Variants in RNF144A observed in about 807,000 individuals in gnomAD.
RNF144A encodes ring finger protein 144A.
Under a neutral mutation model 38.7 loss-of-function variants are expected in RNF144A, and 11 were observed. That is an observed-to-expected ratio of 0.28 (90% CI 0.18 to 0.47). The LOEUF (loss-of-function observed/expected upper bound fraction) is 0.47. RNF144A is among the 20% of genes least tolerant of loss of function. The probability of loss-of-function intolerance (pLI) is 0.99; values close to 1 mark genes in which losing one functional copy is unlikely to be tolerated. For synonymous variants in RNF144A, 149 were observed against 143.9 expected, an observed-to-expected ratio of 1.04 and a Z score of -0.25; for missense variants, 316 against 377.2, an observed-to-expected ratio of 0.84 and a Z score of 1.34.
At chr2:6,931,677 C>T (rs1250275003) in intron 1 of RNF144A, among the ~76,000 whole-genome samples, 1 of 152,198 alleles carries the variant, frequency 6.6e-6, no homozygotes, top group Admixed American at 6.5e-5. Context: ...GGTGAAAATG[C>T]CAGTGGCTCT....
At chr2:7,060,059 G>A (rs1324436617) in intron 6 of RNF144A, among the ~76,000 whole-genome samples, 6 of 152,054 alleles carry the variant, frequency 3.9e-5, no homozygotes, top group South Asian at 2.1e-4. Flanking sequence ...GTCTTGAAAC[G>A]TTATCCATGT....
chr2:7,075,297 G>C, the RNF144A span, among the ~76,000 whole-genome samples: 1 of 148,536 alleles, frequency 6.7e-6, no homozygotes, highest in African/African-American at 2.5e-5. Flanking sequence ...CCCCCACACA[G>C]TGTTCTCTTC....
At chr2:6,929,816 A>G (rs1665092481) in intron 1 of RNF144A, among the ~76,000 whole-genome samples, 1 of 152,274 alleles carries the variant, frequency 6.6e-6, no homozygotes, top group Non-Finnish European at 1.5e-5. Flanking sequence ...CTTTGGAGAT[A>G]GGATAAAGTT....
At chr2:6,965,262 A>C (rs374699734) in intron 2 of RNF144A, among the ~76,000 whole-genome samples, 15 of 152,158 alleles carry the variant, frequency 9.9e-5, no homozygotes, top group African/African-American at 3.1e-4. Flanking sequence ...AAATAGGGAA[A>C]TAGGACACGA....
At chr2:7,044,919 T>G (rs998969710), downstream of RNF144A, among the ~76,000 whole-genome samples, 2 of 152,222 alleles carry the variant, frequency 1.3e-5, no homozygotes, top group African/African-American at 4.8e-5. Context: ...AAGGAGCTCT[T>G]AGTCTCAAGG....
intron 2 of RNF144A, among the ~76,000 whole-genome samples, chr2:6,961,542 T>A (rs543029808): frequency 6.6e-6 from 1 of 152,330 alleles, no homozygotes; most frequent in African/African-American, 2.4e-5. Context: ...TTTGGAGAGA[T>A]GAGACATGCA....
At chr2:7,027,124 T>C (rs1009331474) in intron 7 of RNF144A, among the ~76,000 whole-genome samples, 1 of 152,200 alleles carries the variant, frequency 6.6e-6, no homozygotes, top group Non-Finnish European at 1.5e-5. Context: ...CCAAGCGTGC[T>C]TTCTGGCACA....
At chr2:7,014,319 G>A in intron 3 of RNF144A, 135 bp from the exon 4 acceptor site, 2 of 679,138 alleles carry the variant, frequency 2.9e-6, no homozygotes, top group Non-Finnish European at 5.2e-6. Context: ...AAATGTGTTG[G>A]TTGCTGTGGA....
Position 7,049,918 on chromosome 2 carries a change from C to T in RNF144A, c.735-18298C>T, listed in dbSNP as rs115620053. 4.2e-3 allele frequency among the ~76,000 whole-genome samples: 640 copies of T among 152,296 alleles called. 10 individuals are homozygous for T. Among genetic ancestry groups the T allele is most frequent in the African/African-American group, 0.014 (598 of 41,558 alleles). On this transcript the variant is annotated intron_variant, in intron 6 of 6. Coordinates refer to the RNF144A transcript ENST00000432850. ...AGGAGGGAAAGCAGTCCAAATGCAA[C>T]GGCTTTTGGAAACGCCAGGGGCAGG... is the stretch of plus-strand genomic sequence containing the variant.
chr2:6,971,635 G>A (rs763821748), intron 2 of RNF144A, among the ~76,000 whole-genome samples: 6 of 152,200 alleles, frequency 3.9e-5, no homozygotes, highest in Non-Finnish European at 8.8e-5. Flanking sequence ...GCTCTGGCAC[G>A]TGTATGGGGA....
intron 2 of RNF144A, among the ~76,000 whole-genome samples, chr2:6,988,872 GC>G (rs1437758295): frequency 6.6e-6 from 1 of 151,992 alleles, no homozygotes; most frequent in Non-Finnish European, 1.5e-5. Flanking sequence ...GTGATTATGG[GC>G]TCATGGGTAT....
chr2:7,038,407 G>C lies in RNF144A; in HGVS notation c.748-1222G>C, dbSNP rs964580056. On this transcript the variant is annotated intron_variant, in intron 8 of 8. Coordinates refer to ENST00000320892, the MANE Select transcript of RNF144A (RefSeq NM_014746.6). Reference sequence around the variant, plus strand: ...GATGGCAGTTTCTGTAGAATGTCTTGTTATCAGTTGATTAGATCTTGGTCT... The same window carrying C: ...GATGGCAGTTTCTGTAGAATGTCTTCTTATCAGTTGATTAGATCTTGGTCT... 7.2e-5 allele frequency among the ~76,000 whole-genome samples: 11 copies of C among 152,206 alleles called. 2 individuals are homozygous for C. Among genetic ancestry groups the C allele is most frequent in the Admixed American group, 7.2e-4 (11 of 15,284 alleles).
downstream of RNF144A, among the ~76,000 whole-genome samples, chr2:7,068,450 C>A (rs1213439490): frequency 1.3e-5 from 2 of 151,996 alleles, no homozygotes; most frequent in East Asian, 3.9e-4. Flanking sequence ...TCCCTCTGGC[C>A]GAGAGGATGG....
At chr2:7,016,104 T>TAA (rs35418947) in intron 5 of RNF144A, among the ~76,000 whole-genome samples, 2,697 of 114,960 alleles carry the variant, frequency 0.023, 78 homozygotes, top group African/African-American at 0.059. Context: ...ACCCCGTCTC[T>TAA]AAAAAAAAAA....
chr2:6,980,768 C>T (rs936073323), intron 2 of RNF144A, among the ~76,000 whole-genome samples: 1 of 152,238 alleles, frequency 6.6e-6, no homozygotes, highest in African/African-American at 2.4e-5. Context: ...AGTGGGGACT[C>T]AGTGTGGGGG....
At chr2:7,058,285 A>G (rs978501873) in intron 6 of RNF144A, among the ~76,000 whole-genome samples, 14 of 151,910 alleles carry the variant, frequency 9.2e-5, no homozygotes, top group South Asian at 4.2e-4. Context: ...CCACGAGGGT[A>G]ACATGAGCTA....
intron 2 of RNF144A, among the ~76,000 whole-genome samples, chr2:6,957,530 A>C (rs1009710330): frequency 1.3e-5 from 2 of 152,232 alleles, no homozygotes; most frequent in African/African-American, 4.8e-5. Context: ...CATCAGGCTC[A>C]GAGAGCTCAC....
At position 6,938,896 on chromosome 2, in the gene RNF144A, T is replaced by C. The variant is rs76499440; in HGVS notation, c.-211-2052T>C. 7.8e-3 allele frequency among the ~76,000 whole-genome samples: 1,193 copies of C among 152,332 alleles called. 14 individuals are homozygous for C. The highest frequency in any genetic ancestry group is 0.027 in the African/African-American group (1,136 of 41,582). On this transcript the variant is annotated intron_variant, in intron 1 of 8. Transcript: ENST00000320892. The stretch of plus-strand genomic sequence containing the variant: ...CAATGTTTTCAGCATTTACCCATGC[T>C]GTAGCATGAATCAGTACTGCATTCC...
downstream of RNF144A, among the ~76,000 whole-genome samples, chr2:7,071,215 C>T (rs2103486108): frequency 6.6e-6 from 1 of 152,294 alleles, no homozygotes; most frequent in Middle Eastern, 3.4e-3. Context: ...GGATTACAGG[C>T]ATGAGCCACC....
Sources: allele counts gnomAD v4.1 joint callset (sites outside exome capture counted in the v4.1 genomes callset), GRCh38; gene constraint gnomAD v4.1.1; transcripts MANE v1.5; gene names NCBI Gene and HGNC (gene_info 2026-07-23, HGNC 2026-07-21).